Variants in PPP2R2B observed in about 807,000 individuals in gnomAD.
The protein encoded by PPP2R2B is serine/threonine-protein phosphatase 2A 55 kDa regulatory subunit B beta isoform.
Under a neutral mutation model 46.0 loss-of-function variants are expected in PPP2R2B, and 5 were observed. That is an observed-to-expected ratio of 0.11 (90% CI 0.06 to 0.23). The LOEUF is 0.23. PPP2R2B is among the 10% of genes least tolerant of loss of function. The pLI, the probability that PPP2R2B is intolerant of heterozygous loss-of-function variation, is 1.00. For missense variants in PPP2R2B, 367 were observed against 575.0 expected, an observed-to-expected ratio of 0.64 and a Z score of 3.70; for synonymous variants, 215 against 206.7, an observed-to-expected ratio of 1.04 and a Z score of -0.34.
intron 1 of PPP2R2B, among the ~76,000 whole-genome samples, chr5:146,935,764 GGT>G (rs1764118974): frequency 6.6e-6 from 1 of 152,106 alleles, no homozygotes; most frequent in South Asian, 2.1e-4. Flanking sequence ...TTTGGAAAAG[GGT>G]AGTAGAAAAC....
At chr5:146,767,209 C>T (rs1374279129) in intron 2 of PPP2R2B, among the ~76,000 whole-genome samples, 1 of 152,108 alleles carries the variant, frequency 6.6e-6, no homozygotes, top group Non-Finnish European at 1.5e-5. Flanking sequence ...ATAAAAGTGG[C>T]TCATATCCTT....
intron 1 of PPP2R2B, among the ~76,000 whole-genome samples, chr5:146,981,240 T>C (rs1381514115): frequency 2.6e-5 from 4 of 152,192 alleles, no homozygotes; most frequent in Non-Finnish European, 5.9e-5. Context: ...AGTTTTCTTC[T>C]TACTGAAGTT....
intron 2 of PPP2R2B, among the ~76,000 whole-genome samples, chr5:147,080,596 GA>G (rs1325755073): frequency 2.0e-5 from 3 of 152,300 alleles, no homozygotes; most frequent in Middle Eastern, 3.4e-3. Context: ...CTGAGAACCA[GA>G]AAGGCAATTA....
intron 2 of PPP2R2B, among the ~76,000 whole-genome samples, chr5:146,857,065 A>G (rs1444412902): frequency 6.6e-6 from 1 of 152,214 alleles, no homozygotes; most frequent in Non-Finnish European, 1.5e-5. Context: ...AGCTGGCTTC[A>G]TATAGCCAAA....
chr5:146,660,062 G>C (rs1581813910), intron 5 of PPP2R2B, among the ~76,000 whole-genome samples: 1 of 152,258 alleles, frequency 6.6e-6, no homozygotes, highest in Admixed American at 6.5e-5. Context: ...AAGCTCTCCT[G>C]GTTAGGAGTT....
intron 2 of PPP2R2B, among the ~76,000 whole-genome samples, chr5:146,842,482 T>C (rs1360240414): frequency 2.2e-5 from 2 of 91,800 alleles, no homozygotes; most frequent in Non-Finnish European, 4.2e-5. Flanking sequence ...CTCCATGCCC[T>C]TTTTTTTTTT....
At chr5:147,019,570 T>C (rs554403091) in intron 1 of PPP2R2B, among the ~76,000 whole-genome samples, 1 of 152,122 alleles carries the variant, frequency 6.6e-6, no homozygotes, top group Non-Finnish European at 1.5e-5. Context: ...GCCAAATAGT[T>C]TTACTTTGTT....
chr5:146,787,324 T>C (rs1755901453), intron 2 of PPP2R2B, among the ~76,000 whole-genome samples: 1 of 152,216 alleles, frequency 6.6e-6, no homozygotes, highest in Admixed American at 6.5e-5. Context: ...GTACACACTG[T>C]GGCCACAGGA....
chr5:146,968,551 G>A (rs1245638961), intron 1 of PPP2R2B, among the ~76,000 whole-genome samples: 2 of 152,192 alleles, frequency 1.3e-5, no homozygotes, highest in African/African-American at 4.8e-5. Flanking sequence ...AGTGTCGTCT[G>A]TTAATGACCT....
At chr5:147,050,782 TTATAA>T (rs1020456733) in intron 1 of PPP2R2B, among the ~76,000 whole-genome samples, 3 of 152,188 alleles carry the variant, frequency 2.0e-5, no homozygotes, top group Non-Finnish European at 4.4e-5. Context: ...TTATTATTAT[TTATAA>T]TATAACAAAG....
chr5:146,966,691 GT>G (rs1752431303), intron 1 of PPP2R2B, among the ~76,000 whole-genome samples: 1 of 152,026 alleles, frequency 6.6e-6, no homozygotes, highest in East Asian at 1.9e-4. Context: ...CGTATCCCTC[GT>G]ACCTAACACT....
chr5:146,766,843 C>G (rs949370021), intron 2 of PPP2R2B, among the ~76,000 whole-genome samples: 3 of 152,080 alleles, frequency 2.0e-5, no homozygotes, highest in Non-Finnish European at 4.4e-5. Flanking sequence ...CACTTGAGGT[C>G]AGGAGTTCAA....
chr5:146,593,201 T>C (rs1770832159), intron 8 of PPP2R2B, 139 bp from the exon 9 acceptor site: 2 of 752,282 alleles, frequency 2.7e-6, no homozygotes, highest in Admixed American at 2.1e-5. Flanking sequence ...GATCTGAACC[T>C]AGGCTTGGCC....
intron 2 of PPP2R2B, among the ~76,000 whole-genome samples, chr5:146,865,767 A>T (rs1761277024): frequency 6.6e-6 from 1 of 152,174 alleles, no homozygotes; most frequent in Non-Finnish European, 1.5e-5. Context: ...TGTTAAAACA[A>T]CATGCCACCT....
Position 147,024,215 on chromosome 5 carries a change from C to T in PPP2R2B, c.79+31450G>A, listed in dbSNP as rs531667571. ...TCTATCTATCTATCACCTACTGGTT[C>T]TGTTTCTCTGGAGAACGCTAATACA... On this transcript the variant is annotated intron_variant, in intron 1 of 8. Transcript: ENST00000336640. 1.7e-3 allele frequency among the ~76,000 whole-genome samples: 247 copies of T among 148,264 alleles called. 1 individual carries two copies. Among genetic ancestry groups the T allele is most frequent in the Non-Finnish European group, 2.2e-3 (144 of 66,834 alleles).
At chr5:147,017,661 G>A (rs1463365143) in intron 1 of PPP2R2B, among the ~76,000 whole-genome samples, 1 of 149,044 alleles carries the variant, frequency 6.7e-6, no homozygotes, top group Non-Finnish European at 1.5e-5. Flanking sequence ...TCAGGAAAGA[G>A]GGATTGATCA....
intron 2 of PPP2R2B, among the ~76,000 whole-genome samples, chr5:146,821,576 A>G (rs1758263554): frequency 6.6e-6 from 1 of 152,242 alleles, no homozygotes; most frequent in Non-Finnish European, 1.5e-5. Flanking sequence ...GGGGGCAAAC[A>G]GAGTTGGGGT....
intron 1 of PPP2R2B, among the ~76,000 whole-genome samples, chr5:146,928,701 C>G (rs895328457): frequency 6.6e-6 from 1 of 152,110 alleles, no homozygotes; most frequent in Non-Finnish European, 1.5e-5. Flanking sequence ...TCCTTAAACC[C>G]TGGTATACTA....
Position 146,963,105 on chromosome 5 carries a change from G to A in PPP2R2B, c.79+92560C>T, listed in dbSNP as rs555858107. On this transcript the variant is annotated intron_variant, in intron 1 of 8. Transcript: ENST00000336640. ...TTCAAGAACAAATTGTATAAAGTGAGCTACACCTCAAGCTCTTTGCTTTGC... is the reference window on the plus strand; with the variant it reads ...TTCAAGAACAAATTGTATAAAGTGAACTACACCTCAAGCTCTTTGCTTTGC... Among the ~76,000 whole-genome samples, 87 of 152,266 alleles carry A rather than the reference G, an allele frequency of 5.7e-4. 4 individuals carry two copies. In the Middle Eastern group the frequency reaches 0.044, roughly 77 times the overall value.
Sources: allele counts gnomAD v4.1 joint callset (sites outside exome capture counted in the v4.1 genomes callset), GRCh38; gene constraint gnomAD v4.1.1; transcripts MANE v1.5; gene names NCBI Gene and HGNC (gene_info 2026-07-23, HGNC 2026-07-21).